The following IGF2BP1 variants were observed in gnomAD, a reference collection of about 807,000 sequenced individuals.
The protein encoded by IGF2BP1 is insulin like growth factor 2 mRNA binding protein 1.
IGF2BP1 carries 11 observed loss-of-function variants against 74.9 expected under a neutral mutation model. That is an observed-to-expected ratio of 0.15 (90% CI 0.09 to 0.24). IGF2BP1 has a LOEUF of 0.24. IGF2BP1 is among the 10% of genes least tolerant of loss of function. The probability of loss-of-function intolerance (pLI) is 1.00; values close to 1 mark genes in which losing one functional copy is unlikely to be tolerated. For missense variants in IGF2BP1, 440 were observed against 757.4 expected, an observed-to-expected ratio of 0.58 and a Z score of 4.92; for synonymous variants, 287 against 281.8, an observed-to-expected ratio of 1.02 and a Z score of -0.18.
intron 2 of IGF2BP1, chr17:49,013,175 A>AGTTATTAAAGGT (rs2041642432): frequency 6.6e-6 from 1 of 152,204 alleles, no homozygotes; most frequent in Non-Finnish European, 1.5e-5. Flanking sequence ...GTTATTAACA[A>AGTTATTAAAGGT]GATCATTAAT....
intron 2 of IGF2BP1, chr17:49,014,941 T>A: frequency 8.1e-6 from 8 of 985,208 alleles, no homozygotes; most frequent in Non-Finnish European, 8.4e-6. Context: ...AGAGCCCGAC[T>A]CTGTCTGTTT....
rs769324443 is a variant in IGF2BP1, at chr17:49,043,501, C to G, written c.1151C>G (p.Pro384Arg). The change falls in exon 10 of 15, where the codon CCG becomes CGG. Residue 384 changes from proline (P) to arginine (R), a missense_variant. By Grantham distance (103) the Pro-to-Arg change is moderately radical (BLOSUM62 -2). Coordinates refer to ENST00000290341, the MANE Select transcript of IGF2BP1 (RefSeq NM_006546.4). ...TTCCCAGCTTCATCCAGCGCAGTCC[C>G]GCCGCCTCCCAGCAGCGTTACTGGG... ...GLFPASSSAVPPPPSSVTGAA... is the reference protein window; with the variant it reads ...GLFPASSSAVRPPPSSVTGAA... 8 of 1,613,988 alleles carry G rather than the reference C, an allele frequency of 5.0e-6. No homozygotes were observed. Among genetic ancestry groups the G allele is most frequent in the African/African-American group, 1.3e-5 (1 of 74,920 alleles).
intron 2 of IGF2BP1, among the ~76,000 whole-genome samples, chr17:49,012,772 C>T (rs2041636350): frequency 6.6e-6 from 1 of 152,144 alleles, no homozygotes; most frequent in South Asian, 2.1e-4. Flanking sequence ...CTCCCTCTGT[C>T]GCCCAGGGTG....
intron 4 of IGF2BP1, among the ~76,000 whole-genome samples, chr17:49,029,416 G>A (rs2041895499): frequency 6.6e-6 from 1 of 152,162 alleles, no homozygotes. Flanking sequence ...AGGAGTTAAA[G>A]GCTGCAGTGA....
intron 2 of IGF2BP1, among the ~76,000 whole-genome samples, chr17:49,004,284 C>G (rs1168715233): frequency 6.8e-6 from 1 of 146,244 alleles, no homozygotes; most frequent in East Asian, 1.9e-4. Context: ...AGCAGATACC[C>G]CACGAGAGGG....
chr17:49,007,891 G>T (rs1404561873), intron 2 of IGF2BP1, among the ~76,000 whole-genome samples: 1 of 152,198 alleles, frequency 6.6e-6, no homozygotes, highest in Non-Finnish European at 1.5e-5. Flanking sequence ...TAAAGGGCAG[G>T]CCAGGCGCAG....
At chr17:49,045,207 G>C in intron 12 of IGF2BP1, 142 bp downstream of exon 12, 1 of 623,014 alleles carries the variant, frequency 1.6e-6, no homozygotes, top group Middle Eastern at 2.6e-4. Context: ...GCAGGATAAA[G>C]GGCTGCAGAG....
At chr17:49,046,090 C>G (rs554912313) in intron 13 of IGF2BP1, 69 bp downstream of exon 13, 2 of 1,573,042 alleles carry the variant, frequency 1.3e-6, no homozygotes, top group Non-Finnish European at 1.7e-6. Context: ...TCTCTGGTCT[C>G]CTGTACTGCT....
At chr17:49,011,148 A>AG (rs2041613661) in intron 2 of IGF2BP1, among the ~76,000 whole-genome samples, 1 of 136,624 alleles carries the variant, frequency 7.3e-6, no homozygotes, top group Non-Finnish European at 1.6e-5. Context: ...AAAAAAAAAA[A>AG]AAAAAAAAAA....
intron 8 of IGF2BP1, 106 bp downstream of exon 8, chr17:49,041,606 C>T (rs2042053569): frequency 1.4e-6 from 2 of 1,424,090 alleles, no homozygotes; most frequent in Middle Eastern, 1.8e-4. Context: ...AATGGGTGCT[C>T]CTTCTGCCTC....
intron 1 of IGF2BP1, 26 bp from the exon 2 acceptor site, chr17:48,999,083 G>T: frequency 7.5e-7 from 1 of 1,341,610 alleles, no homozygotes; most frequent in Non-Finnish European, 1.1e-6. Flanking sequence ...AAGCTCTCAT[G>T]GTAATTTTTT....
chr17:49,019,904 TTATATA>T (rs60753189), intron 2 of IGF2BP1, among the ~76,000 whole-genome samples: 1,133 of 43,802 alleles, frequency 0.026, 24 homozygotes, highest in Middle Eastern at 0.095. Context: ...CCTGGCTAAT[TTATATA>T]TATATATATA....
At chr17:48,998,123 C>T (rs1305537354) in intron 1 of IGF2BP1, among the ~76,000 whole-genome samples, 3 of 151,684 alleles carry the variant, frequency 2.0e-5, no homozygotes, top group Non-Finnish European at 4.4e-5. Context: ...TTCGGGATTT[C>T]CTCATCCCTT....
Position 49,052,463 on chromosome 17 carries a change from T to A in IGF2BP1, c.*3019T>A, listed in dbSNP as rs977751887. 2 of 152,206 alleles carry A rather than the reference T, an allele frequency of 1.3e-5. No individual in the cohort carries two copies. Among genetic ancestry groups the A allele is most frequent in the Non-Finnish European group, 2.9e-5 (2 of 68,056 alleles). 9.4% of individuals were successfully genotyped at this position (152,206 alleles called of 1,614,324 possible). On this transcript the variant is annotated 3_prime_UTR_variant, in exon 15 of 15. Coordinates refer to ENST00000290341, the MANE Select transcript of IGF2BP1 (RefSeq NM_006546.4). ...CCCAAGTCCTTTTCCGTTGGCTGATTCAGCTCCCAGAAGAGACGAGGAAGT... is the reference window on the plus strand; with the variant it reads ...CCCAAGTCCTTTTCCGTTGGCTGATACAGCTCCCAGAAGAGACGAGGAAGT...
intron 2 of IGF2BP1, among the ~76,000 whole-genome samples, chr17:48,999,925 TGTG>T (rs1417112588): frequency 2.6e-5 from 2 of 78,064 alleles, no homozygotes; most frequent in Admixed American, 1.1e-4. Flanking sequence ...GGATGAATGG[TGTG>T]TGTGTGTGTG....
At chr17:49,023,834 C>G (rs1188441359) in intron 2 of IGF2BP1, among the ~76,000 whole-genome samples, 1 of 151,826 alleles carries the variant, frequency 6.6e-6, no homozygotes, top group Non-Finnish European at 1.5e-5. Flanking sequence ...AATCTTAAAC[C>G]CAGGGATTAG....
chr17:49,028,159 G>T (rs1372233121), intron 4 of IGF2BP1, among the ~76,000 whole-genome samples: 1 of 152,150 alleles, frequency 6.6e-6, no homozygotes, highest in African/African-American at 2.4e-5. Flanking sequence ...ACTCTGTATT[G>T]TCTCAAAAAC....
chr17:49,045,096 C>G (rs749206484), intron 12 of IGF2BP1, 31 bp downstream of exon 12: 1 of 1,590,066 alleles, frequency 6.3e-7, no homozygotes, highest in East Asian at 2.2e-5. Flanking sequence ...CCAAGCTGAA[C>G]ATGGAGGAAT....
At chr17:49,037,424 T>A (rs2042002842) in intron 5 of IGF2BP1, 1 of 426,596 alleles carries the variant, frequency 2.3e-6, no homozygotes. Context: ...AAACTTCCCA[T>A]AAGCCTGTAG....
Sources: gnomAD v4.1 joint callset for allele counts (sites outside exome capture counted in the v4.1 genomes callset) on GRCh38, gnomAD v4.1.1 for gene constraint, MANE v1.5 for transcripts, NCBI Gene and HGNC (gene_info 2026-07-23, HGNC 2026-07-21) for gene names.